Variants in RASGRF1 observed in about 807,000 individuals in gnomAD.
RASGRF1 encodes Ras protein specific guanine nucleotide releasing factor 1.
RASGRF1 carries 40 observed loss-of-function variants against 138.7 expected under a neutral mutation model. That is an observed-to-expected ratio of 0.29 (90% CI 0.22 to 0.38). The LOEUF (loss-of-function observed/expected upper bound fraction) is 0.38, where lower values mean the gene tolerates loss of function less well. Among genes scored for constraint, RASGRF1 ranks in the 10% least tolerant of loss-of-function variants. The probability of loss-of-function intolerance (pLI) is 1.00; values close to 1 mark genes in which losing one functional copy is unlikely to be tolerated. For synonymous variants in RASGRF1, 614 were observed against 663.2 expected (o/e 0.93, Z 1.14); for missense variants, 1,108 against 1,650.4 (o/e 0.67, Z 5.69).
At chr15:79,085,100 C>A (rs751274393) in intron 1 of RASGRF1, among the ~76,000 whole-genome samples, 8 of 152,148 alleles carry the variant, frequency 5.3e-5, no homozygotes, top group Non-Finnish European at 1.2e-4. Context: ...TTGCAACTGG[C>A]CAAATACATG....
intron 22 of RASGRF1, among the ~76,000 whole-genome samples, chr15:78,988,176 C>A (rs890356012): frequency 6.6e-6 from 1 of 152,212 alleles, no homozygotes; most frequent in African/African-American, 2.4e-5. Flanking sequence ...GAAATTTCCC[C>A]TCCTCAAGCC....
intron 26 of RASGRF1, among the ~76,000 whole-genome samples, chr15:78,971,476 G>A (rs755700033): frequency 3.3e-5 from 5 of 152,190 alleles, no homozygotes; most frequent in African/African-American, 4.8e-5. Context: ...CACAAGAAAC[G>A]GGCGGAAATG....
chr15:79,064,322 A>G, intron 2 of RASGRF1, 98 bp downstream of exon 2: 6 of 1,153,414 alleles, frequency 5.2e-6, no homozygotes, highest in Non-Finnish European at 7.5e-6. Flanking sequence ...CATGCCCTCC[A>G]CTTCATGGGG....
intron 1 of RASGRF1, among the ~76,000 whole-genome samples, chr15:79,076,016 T>C (rs1436322343): frequency 6.6e-6 from 1 of 152,270 alleles, no homozygotes; most frequent in East Asian, 1.9e-4. Context: ...ATAGTTCACT[T>C]TGCAGCCATC....
At chr15:78,988,839 G>GTTTTTTTTTTTT (rs555940270) in intron 22 of RASGRF1, among the ~76,000 whole-genome samples, 113 of 127,056 alleles carry the variant, frequency 8.9e-4, no homozygotes, top group Non-Finnish European at 1.5e-3. Flanking sequence ...CTGGGAGGGA[G>GTTTTTTTTTTTT]TTTTTTTTTT....
chr15:79,087,569 T>C (rs1174945838), intron 1 of RASGRF1, among the ~76,000 whole-genome samples: 1 of 152,208 alleles, frequency 6.6e-6, no homozygotes, highest in East Asian at 1.9e-4. Context: ...ACTCTGTACA[T>C]GCCCAGCAGA....
intron 1 of RASGRF1, among the ~76,000 whole-genome samples, chr15:79,080,225 T>C (rs2057897122): frequency 6.6e-6 from 1 of 152,226 alleles, no homozygotes; most frequent in Non-Finnish European, 1.5e-5. Context: ...CCACCTGATA[T>C]TGGCTTTCCT....
chr15:79,000,007 A>C lies in RASGRF1; in HGVS notation c.2576-94T>G, dbSNP rs147265933. ...GGGTCCCGAGGCTAGAGCAGCCTTA[A>C]GAGCCAGCAGGCTGTGTCTTCAGGG... On this transcript the variant is annotated intron_variant, in intron 16 of 26. Coordinates refer to ENST00000558480, the MANE Select transcript of RASGRF1 (RefSeq NM_001145648.3). The C allele has an allele frequency of 5.9e-6, 8 of 1,348,558 alleles. No homozygotes were observed. In the Admixed American group the frequency reaches 1.1e-4, roughly 19 times the overall value. 83.5% of individuals were successfully genotyped at this position (1,348,558 alleles called of 1,614,324 possible). A position where few individuals can be genotyped will look rare whatever the true frequency, so the allele number is the denominator to read the frequency against.
intron 5 of RASGRF1, among the ~76,000 whole-genome samples, chr15:79,037,728 G>C (rs2057241938): frequency 6.6e-6 from 1 of 151,692 alleles, no homozygotes; most frequent in Admixed American, 6.6e-5. Context: ...CAAAGTGCTG[G>C]GATTACAGGC....
At chr15:79,012,114 T>C (rs1034833328) in intron 13 of RASGRF1, among the ~76,000 whole-genome samples, 6 of 152,138 alleles carry the variant, frequency 3.9e-5, no homozygotes, top group Admixed American at 3.9e-4. Flanking sequence ...GTTTGTCTGG[T>C]AGTGTACCTG....
chr15:78,999,934 A>G, intron 16 of RASGRF1, 21 bp from the exon 17 acceptor site: 1 of 1,609,348 alleles, frequency 6.2e-7, no homozygotes, highest in East Asian at 2.2e-5. Context: ...GAGGGAACCA[A>G]CCCTCAGCTG....
At chr15:79,084,971 T>C (rs2057960882) in intron 1 of RASGRF1, among the ~76,000 whole-genome samples, 1 of 152,188 alleles carries the variant, frequency 6.6e-6, no homozygotes, top group African/African-American at 2.4e-5. Flanking sequence ...TCCTTCATCC[T>C]CTCAGGGCTT....
At chr15:79,005,245 T>C (rs1249629363) in intron 14 of RASGRF1, 6 of 985,504 alleles carry the variant, frequency 6.1e-6, no homozygotes, top group Non-Finnish European at 7.2e-6. Flanking sequence ...TTCTGGGTCG[T>C]TGCGTTGCTC....
chr15:78,963,178 C>G (rs2055581040), intron 26 of RASGRF1, among the ~76,000 whole-genome samples: 1 of 152,248 alleles, frequency 6.6e-6, no homozygotes, highest in South Asian at 2.1e-4. Context: ...GAGATCTGAG[C>G]TCTAACCTCA....
At chr15:79,066,757 C>T (rs2057686301) in intron 1 of RASGRF1, among the ~76,000 whole-genome samples, 1 of 152,200 alleles carries the variant, frequency 6.6e-6, no homozygotes, top group Non-Finnish European at 1.5e-5. Flanking sequence ...GGAAGGATGC[C>T]AGGAAGACCC....
rs181356053 is a variant in RASGRF1, at chr15:79,011,486, T to C, written c.1826+3841A>G. On this transcript the variant is annotated intron_variant, in intron 13 of 26. Coordinates refer to ENST00000558480, the MANE Select transcript of RASGRF1 (RefSeq NM_001145648.3). ...TGAGGCATATGGAACATTCAATATT[T>C]ATTAGGTCTTAAGTCAGCCACCCAT... is the stretch of plus-strand genomic sequence containing the variant. Among the ~76,000 whole-genome samples the C allele has an allele frequency of 1.1e-4, 16 of 152,284 alleles. No individual in the cohort carries two copies. In the East Asian group the frequency reaches 2.1e-3, roughly 20 times the overall value.
chr15:79,026,243 C>G (rs1259841871), intron 9 of RASGRF1, among the ~76,000 whole-genome samples: 3 of 152,262 alleles, frequency 2.0e-5, no homozygotes, highest in Non-Finnish European at 4.4e-5. Flanking sequence ...AGCCTGCACT[C>G]TTACCATTGT....
chr15:79,058,681 G>A (rs115451575), intron 2 of RASGRF1, among the ~76,000 whole-genome samples, 200 bp from the exon 3 acceptor site: 1,622 of 152,308 alleles, frequency 0.011, 28 homozygotes, highest in African/African-American at 0.037. Flanking sequence ...GGAGCAAGGC[G>A]GGGCGGTGGG....
At chr15:79,033,658 C>T (rs564040221) in intron 6 of RASGRF1, among the ~76,000 whole-genome samples, 2 of 126,500 alleles carry the variant, frequency 1.6e-5, no homozygotes, top group African/African-American at 6.1e-5. Flanking sequence ...AGTGAGATCT[C>T]GGCTCACTGC....
Sources: gnomAD v4.1 joint callset for allele counts (sites outside exome capture counted in the v4.1 genomes callset) on GRCh38, gnomAD v4.1.1 for gene constraint, MANE v1.5 for transcripts, NCBI Gene and HGNC (gene_info 2026-07-23, HGNC 2026-07-21) for gene names.